TAFA2: variants seen among roughly 807,000 people sequenced by gnomAD.
TAFA2 encodes the protein chemokine-like protein TAFA-2.
Under a neutral mutation model 18.8 loss-of-function variants are expected in TAFA2, and 7 were observed. The observed-to-expected ratio is 0.37, with a 90% CI of 0.21 to 0.70. The LOEUF is 0.70. Ranked by LOEUF, TAFA2 falls within the 30% of genes least tolerant of loss-of-function variation. TAFA2 has a pLI of 0.53. For synonymous variants in TAFA2, 60 were observed against 54.2 expected, an observed-to-expected ratio of 1.11 and a Z score of -0.47; for missense variants, 122 against 158.1, an observed-to-expected ratio of 0.77 and a Z score of 1.23.
intron 4 of TAFA2, among the ~76,000 whole-genome samples, chr12:61,732,733 T>TTTTG (rs1555197315): frequency 9.0e-6 from 1 of 111,398 alleles, no homozygotes; most frequent in African/African-American, 3.0e-5. Context: ...AAGTGATTTT[T>TTTTG]TGTGTGTGTG....
chr12:62,074,925 C>G (rs1713276103), intron 1 of TAFA2, among the ~76,000 whole-genome samples: 1 of 151,886 alleles, frequency 6.6e-6, no homozygotes, highest in Admixed American at 6.6e-5. Flanking sequence ...TGGTTTCAAA[C>G]TCCTGGCCTC....
At chr12:62,022,043 T>C in intron 1 of TAFA2, 1 of 603,726 alleles carries the variant, frequency 1.7e-6, no homozygotes, top group Non-Finnish European at 3.2e-6. Flanking sequence ...AGCATAAAGC[T>C]CTACACTGCC....
intron 1 of TAFA2, among the ~76,000 whole-genome samples, chr12:62,123,843 C>T (rs1183347836): frequency 6.8e-6 from 1 of 147,734 alleles, no homozygotes; most frequent in Non-Finnish European, 1.5e-5. Flanking sequence ...AGTTCTAAAC[C>T]ATCAAAATCG....
In TAFA2 at chr12:61,925,588, A is replaced by G. The variant is rs115114472; in HGVS notation, c.-1-58162T>C. 2.7e-3 allele frequency among the ~76,000 whole-genome samples: 414 copies of G among 152,320 alleles called. 3 individuals carry two copies. The highest frequency in any genetic ancestry group is 9.3e-3 in the African/African-American group (385 of 41,574). On this transcript the variant is annotated intron_variant, in intron 1 of 4. Transcript: ENST00000416284. ...AATCTCTGAAACCAGAATCTCTTAA[A>G]TCTGTACCAGATAAAGCAGTGTTTA... is the stretch of plus-strand genomic sequence containing the variant.
chr12:61,957,177 G>A (rs1274092927), intron 1 of TAFA2, among the ~76,000 whole-genome samples: 3 of 152,126 alleles, frequency 2.0e-5, no homozygotes, highest in Admixed American at 2.0e-4. Context: ...TTAGAATAAG[G>A]AGATCTTTGG....
intron 4 of TAFA2, among the ~76,000 whole-genome samples, chr12:61,744,860 T>C (rs1868627174): frequency 6.6e-6 from 1 of 152,084 alleles, no homozygotes. Flanking sequence ...AATGTTACTT[T>C]TACTAATGCT....
chr12:61,951,950 T>C (rs889008906), intron 1 of TAFA2, among the ~76,000 whole-genome samples: 3 of 151,946 alleles, frequency 2.0e-5, no homozygotes, highest in Non-Finnish European at 4.4e-5. Context: ...ACACGAAGCA[T>C]TTTAAACAAT....
At chr12:61,835,220 C>A (rs1033911136) in intron 2 of TAFA2, among the ~76,000 whole-genome samples, 7 of 151,994 alleles carry the variant, frequency 4.6e-5, no homozygotes, top group Non-Finnish European at 8.8e-5. Context: ...TAATGCTATT[C>A]TTTCCAGCAT....
intron 1 of TAFA2, among the ~76,000 whole-genome samples, chr12:62,011,751 T>TAAAAA (rs202026493): frequency 1.2e-4 from 12 of 102,872 alleles, no homozygotes; most frequent in Admixed American, 2.7e-4. Flanking sequence ...CAATAAATAC[T>TAAAAA]AAAAAAAAAA....
At chr12:62,114,961 G>A (rs1246475729) in intron 1 of TAFA2, among the ~76,000 whole-genome samples, 1 of 152,026 alleles carries the variant, frequency 6.6e-6, no homozygotes, top group East Asian at 1.9e-4. Flanking sequence ...AATTCAAGGG[G>A]CTCGTTTAAT....
chr12:61,781,818 G>A (rs1870515671), intron 2 of TAFA2, among the ~76,000 whole-genome samples: 1 of 151,460 alleles, frequency 6.6e-6, no homozygotes, highest in Admixed American at 6.6e-5. Context: ...AAATAACTAA[G>A]CCAAAATAAC....
In TAFA2 at chr12:61,796,474, A is replaced by G. The variant is rs537202091; in HGVS notation, c.107-41450T>C. On this transcript the variant is annotated intron_variant, in intron 2 of 4. Transcript: ENST00000416284. ...ATGAAATTCTTTTAAAAAATGCAAC[A>G]TTATCTACAATAACTGATCAATGTG... Among the ~76,000 whole-genome samples the G allele has an allele frequency of 3.0e-4, 45 of 152,286 alleles. No homozygotes were observed. The South Asian group carries it at 9.3e-3, about 32-fold the overall frequency.
chr12:61,890,700 G>C (rs1565671038), intron 1 of TAFA2, among the ~76,000 whole-genome samples: 3 of 152,132 alleles, frequency 2.0e-5, no homozygotes. Flanking sequence ...CCTCTTGACA[G>C]GTTAAATTTT....
chr12:61,862,572 C>T (rs935402298), intron 2 of TAFA2, among the ~76,000 whole-genome samples: 6 of 152,138 alleles, frequency 3.9e-5, no homozygotes, highest in Admixed American at 2.6e-4. Flanking sequence ...ACTTGTATTT[C>T]GGTAGAGGTA....
At chr12:62,019,577 A>AC (rs1182728372) in intron 1 of TAFA2, among the ~76,000 whole-genome samples, 2 of 151,488 alleles carry the variant, frequency 1.3e-5, no homozygotes, top group African/African-American at 4.9e-5. Context: ...AGGACAAAAA[A>AC]CCAAACACCG....
At chr12:61,995,531 C>T (rs1258066521) in intron 1 of TAFA2, among the ~76,000 whole-genome samples, 1 of 152,106 alleles carries the variant, frequency 6.6e-6, no homozygotes. Context: ...TAGAATACAG[C>T]CTGGGACCAG....
chr12:61,864,400 G>A (rs1339645436), intron 2 of TAFA2, among the ~76,000 whole-genome samples: 1 of 146,878 alleles, frequency 6.8e-6, no homozygotes, highest in Non-Finnish European at 1.5e-5. Context: ...TATATGGTGT[G>A]TATATATATA....
chr12:62,236,814 T>C (rs2062839861), intron 1 of TAFA2, among the ~76,000 whole-genome samples: 1 of 152,260 alleles, frequency 6.6e-6, no homozygotes, highest in South Asian at 2.1e-4. Flanking sequence ...AGAAATCTGC[T>C]GTTAGATGAA....
chr12:61,938,968 A>C (rs919372266), intron 1 of TAFA2, among the ~76,000 whole-genome samples: 8 of 152,116 alleles, frequency 5.3e-5, no homozygotes, highest in Non-Finnish European at 1.0e-4. Flanking sequence ...TACAATGTAC[A>C]CTACTCAGGT....
Sources: gnomAD v4.1 joint callset for allele counts (sites outside exome capture counted in the v4.1 genomes callset) on GRCh38, gnomAD v4.1.1 for gene constraint, MANE v1.5 for transcripts, NCBI Gene and HGNC (gene_info 2026-07-23, HGNC 2026-07-21) for gene names.